JHY: variants seen among roughly 807,000 people sequenced by gnomAD.
JHY encodes jhy protein homolog.
JHY carries 69 observed loss-of-function variants against 78.0 expected under a neutral mutation model. That is an observed-to-expected ratio of 0.88 (90% CI 0.73 to 1.08). JHY has a LOEUF of 1.08. JHY is among the 50% of genes least tolerant of loss of function. The pLI is 0.00. For synonymous variants in JHY, 368 were observed against 342.6 expected, an observed-to-expected ratio of 1.07 and a Z score of -0.82; for missense variants, 944 against 927.8, an observed-to-expected ratio of 1.02 and a Z score of -0.23.
intron 4 of JHY, among the ~76,000 whole-genome samples, chr11:122,929,846 C>A (rs1863600212): frequency 7.1e-6 from 1 of 141,710 alleles, no homozygotes; most frequent in Non-Finnish European, 1.6e-5. Flanking sequence ...TCCATACTAG[C>A]AATTTTTCTG....
chr11:122,941,473 T>G (rs1271900305), intron 5 of JHY, among the ~76,000 whole-genome samples: 2 of 152,194 alleles, frequency 1.3e-5, no homozygotes, highest in African/African-American at 4.8e-5. Flanking sequence ...GTACAAATAG[T>G]TTTATAATTA....
At chr11:122,907,358 A>G (rs975916559) in intron 3 of JHY, among the ~76,000 whole-genome samples, 1 of 152,008 alleles carries the variant, frequency 6.6e-6, no homozygotes, top group African/African-American at 2.4e-5. Flanking sequence ...CTCATTTTTA[A>G]TCTTCATAGT....
chr11:122,884,012 A>G (rs1004734555), intron 1 of JHY, among the ~76,000 whole-genome samples: 2 of 152,222 alleles, frequency 1.3e-5, no homozygotes, highest in African/African-American at 2.4e-5. Context: ...ATGTGTTAGT[A>G]TTTGATAGAT....
chr11:122,902,722 T>C (rs781253678), intron 2 of JHY, among the ~76,000 whole-genome samples: 15 of 152,100 alleles, frequency 9.9e-5, no homozygotes, highest in Admixed American at 3.9e-4. Context: ...GGAGCTGCTA[T>C]GCACTCTTGA....
chr11:122,897,984 G>GCGA, intron 2 of JHY, among the ~76,000 whole-genome samples: 1 of 152,296 alleles, frequency 6.6e-6, no homozygotes, highest in East Asian at 1.9e-4. Context: ...AATGGACTTT[G>GCGA]TGATATCATC....
At chr11:122,916,360 AATG>A (rs1201746928) in intron 3 of JHY, among the ~76,000 whole-genome samples, 1 of 152,172 alleles carries the variant, frequency 6.6e-6, no homozygotes, top group East Asian at 1.9e-4. Flanking sequence ...AGGTATGAAA[AATG>A]ATAACTATAT....
intron 4 of JHY, among the ~76,000 whole-genome samples, chr11:122,932,543 G>A (rs951053034): frequency 2.0e-5 from 3 of 152,096 alleles, no homozygotes. Flanking sequence ...ACATTTAGAT[G>A]GCAGCATCCT....
intron 6 of JHY, among the ~76,000 whole-genome samples, chr11:122,953,153 T>C (rs779390438): frequency 6.6e-5 from 10 of 152,124 alleles, no homozygotes; most frequent in Non-Finnish European, 7.4e-5. Flanking sequence ...AGAAAAACAA[T>C]GCTTACCCTA....
rs948051816 is a variant in JHY, at chr11:122,961,943, C to T, written c.*2498C>T. On this transcript the variant is annotated 3_prime_UTR_variant, in exon 9 of 9. Transcript: ENST00000227349. ...ACCTAATGCAGGCAACTCTGAGAGA[C>T]ACACTTTATCAAAGCTCCTTACTCC... 6.6e-6 allele frequency among the ~76,000 whole-genome samples: 1 copy of T among 152,198 alleles called. No individual in the cohort carries two copies. Among genetic ancestry groups the T allele is most frequent in the African/African-American group, 2.4e-5 (1 of 41,444 alleles).
intron 3 of JHY, among the ~76,000 whole-genome samples, chr11:122,912,333 T>C (rs1268383533): frequency 6.6e-6 from 1 of 150,420 alleles, no homozygotes; most frequent in Non-Finnish European, 1.5e-5. Flanking sequence ...GCCAGGTGCT[T>C]GGGGAAGGTC....
At position 122,957,462 on chromosome 11, in the gene JHY, C is replaced by A. The variant is rs772834811; in HGVS notation, c.2110C>A (p.Gln704Lys). 1.3e-5 allele frequency: 20 copies of A among 1,505,146 alleles called. No homozygotes were observed. Among genetic ancestry groups the A allele is most frequent in the Non-Finnish European group, 1.8e-5 (20 of 1,133,224 alleles). 93.2% of individuals were successfully genotyped at this position (1,505,146 alleles called of 1,614,324 possible). The change falls in exon 8 of 9, where the codon CAA becomes AAA. Residue 704 changes from glutamine to lysine, a missense_variant. Gln to Lys is a moderately conservative substitution (Grantham distance 53). Transcript: ENST00000227349. ...ATCAAAACCACAAACAGAAAAAACT[C>A]AAAAGAAATCTGCTATCCCTCGGCA... ...ILSKPQTEKTQKKSAIPRQKA... is the reference protein window; with the variant it reads ...ILSKPQTEKTKKKSAIPRQKA...
In JHY at chr11:122,917,849, A is replaced by C. The variant is rs1270832537; in HGVS notation, c.865-7048A>C. On this transcript the variant is annotated intron_variant, in intron 3 of 8. Transcript: ENST00000227349. This position sits in a 1 kb window ranked among gnomAD's most constrained non-coding sequence, Gnocchi z 4.1. The stretch of plus-strand genomic sequence containing the variant: ...AGATATTCCTAAAAATCTCTTTCAC[A>C]TTCTTAAAAATGGCCATTATTCATT... Among the ~76,000 whole-genome samples, 1 of 152,176 alleles carries C rather than the reference A, an allele frequency of 6.6e-6. No homozygotes were observed. The highest frequency in any genetic ancestry group is 1.5e-5 in the Non-Finnish European group (1 of 68,040).
rs1300432945 is a variant in JHY, at chr11:122,917,954, G to C, written c.865-6943G>C. 6.8e-6 allele frequency among the ~76,000 whole-genome samples: 1 copy of C among 146,856 alleles called. No homozygotes were observed. Among genetic ancestry groups the C allele is most frequent in the Non-Finnish European group, 1.5e-5 (1 of 68,016 alleles). On this transcript the variant is annotated intron_variant, in intron 3 of 8. Coordinates refer to ENST00000227349, the MANE Select transcript of JHY (RefSeq NM_024806.4). This position sits in a 1 kb window ranked among gnomAD's most constrained non-coding sequence, Gnocchi z 4.1. ...CTCACTCTGTCACCCAGGTTGGAATGCAGTGGCGCCATCTCAGCTCACTGC... is the reference window on the plus strand; with the variant it reads ...CTCACTCTGTCACCCAGGTTGGAATCCAGTGGCGCCATCTCAGCTCACTGC...
At chr11:122,946,879 A>T (rs898643430) in intron 6 of JHY, 87 bp downstream of exon 6, 4 of 1,474,372 alleles carry the variant, frequency 2.7e-6, no homozygotes, top group Non-Finnish European at 1.8e-6. Flanking sequence ...TGGAATAGGG[A>T]TGGTCATTAC....
chr11:122,920,780 A>G (rs558594755), intron 3 of JHY, among the ~76,000 whole-genome samples: 5 of 152,328 alleles, frequency 3.3e-5, no homozygotes, highest in East Asian at 1.9e-4. Flanking sequence ...CACCTCATCA[A>G]GATTGCCTGC....
chr11:122,902,594 G>T (rs1034200750), intron 2 of JHY, among the ~76,000 whole-genome samples: 1 of 152,204 alleles, frequency 6.6e-6, no homozygotes, highest in Non-Finnish European at 1.5e-5. Context: ...GGCTCTACAG[G>T]AAGTATGATT....
chr11:122,906,439 T>C (rs977708763), intron 3 of JHY, among the ~76,000 whole-genome samples: 3 of 152,180 alleles, frequency 2.0e-5, no homozygotes, highest in Admixed American at 6.5e-5. Context: ...CAAATGATCC[T>C]TCTACCTTGG....
chr11:122,929,623 A>G (rs1863594866), intron 4 of JHY, among the ~76,000 whole-genome samples: 1 of 152,218 alleles, frequency 6.6e-6, no homozygotes, highest in East Asian at 1.9e-4. Context: ...CCCAGCAGTG[A>G]GGTGCCGTGC....
In JHY at chr11:122,959,352, T is replaced by C; in HGVS notation, c.2244T>C (p.Ser748=). The C allele has an allele frequency of 3.1e-6, 5 of 1,614,022 alleles. No homozygotes were observed. The highest frequency in any genetic ancestry group is 4.2e-6 in the Non-Finnish European group (5 of 1,179,990). The change falls in exon 9 of 9, where the codon AGT becomes AGC. Residue 748 remains serine (S), a synonymous_variant. Coordinates refer to ENST00000227349, the MANE Select transcript of JHY (RefSeq NM_024806.4). ...KNPTYAGKEE[S]LPEISLLEIL... ...CAACCTATGCTGGGAAAGAAGAAAG[T>C]TTACCTGAAATCTCACTGCTGGAAA... is the stretch of plus-strand genomic sequence containing the variant.
Sources: gnomAD v4.1 joint callset for allele counts (sites outside exome capture counted in the v4.1 genomes callset) on GRCh38, gnomAD v4.1.1 for gene constraint, Gnocchi (gnomAD v3.1) non-coding constraint, MANE v1.5 for transcripts, NCBI Gene and HGNC (gene_info 2026-07-23, HGNC 2026-07-21) for gene names.